Variants in DNAJC3 observed in about 807,000 individuals in gnomAD.
The protein encoded by DNAJC3 is DnaJ heat shock protein family (Hsp40) member C3.
A neutral mutation model predicts 68.6 loss-of-function variants in DNAJC3; 38 were observed. That is an observed-to-expected ratio of 0.55 (90% CI 0.43 to 0.73). DNAJC3 has a LOEUF of 0.73. Ranked by LOEUF, DNAJC3 falls within the 30% of genes least tolerant of loss-of-function variation. The pLI, the probability that DNAJC3 is intolerant of heterozygous loss-of-function variation, is 0.00. For missense variants in DNAJC3, 526 were observed against 591.9 expected (o/e 0.89, Z 1.16); for synonymous variants, 203 against 204.0 (o/e 1.00, Z 0.04).
chr13:95,702,600 TC>T (rs1880615046), intron 1 of DNAJC3, among the ~76,000 whole-genome samples: 1 of 152,168 alleles, frequency 6.6e-6, no homozygotes. Flanking sequence ...GAGCTTGTTT[TC>T]CCCTTTCACC....
intron 4 of DNAJC3, among the ~76,000 whole-genome samples, chr13:95,737,777 C>T (rs1327928529): frequency 9.5e-4 from 138 of 145,930 alleles, no homozygotes; most frequent in African/African-American, 3.5e-3. Context: ...AAACCAGCTC[C>T]TGGATTCATT....
chr13:95,785,585 A>AG (rs1302789890), intron 9 of DNAJC3, among the ~76,000 whole-genome samples: 1 of 147,700 alleles, frequency 6.8e-6, no homozygotes, highest in Non-Finnish European at 1.5e-5. Flanking sequence ...CAGCCTCCCG[A>AG]GTAGCTGGGA....
chr13:95,691,892 A>G (rs1199894385), intron 1 of DNAJC3, among the ~76,000 whole-genome samples: 1 of 152,224 alleles, frequency 6.6e-6, no homozygotes, highest in African/African-American at 2.4e-5. Flanking sequence ...GTCTCCACCA[A>G]AAAAATACGA....
rs574916542 is a variant in DNAJC3, at chr13:95,756,251, G to A, written c.394-1393G>A. Among the ~76,000 whole-genome samples, 8 of 152,232 alleles carry A rather than the reference G, an allele frequency of 5.3e-5. No homozygotes were observed. The East Asian group carries it at 1.2e-3, about 22-fold the overall frequency. On this transcript the variant is annotated intron_variant, in intron 4 of 11. Transcript: ENST00000602402. ...ATACTCTCTCCGATGGGGTTTATCCGAAGTATTCAAGACCACCCTAAGGAT... is the reference window on the plus strand; with the variant it reads ...ATACTCTCTCCGATGGGGTTTATCCAAAGTATTCAAGACCACCCTAAGGAT...
At chr13:95,715,735 C>A (rs534509222) in intron 2 of DNAJC3, among the ~76,000 whole-genome samples, 31 of 152,010 alleles carry the variant, frequency 2.0e-4, no homozygotes, top group African/African-American at 6.5e-4. Flanking sequence ...ATCCACCCCC[C>A]CTTGGCCTCC....
rs531303402 is a variant in DNAJC3, at chr13:95,715,515, C to T, written c.193+6178C>T. Among the ~76,000 whole-genome samples, 414 of 149,714 alleles carry T rather than the reference C, an allele frequency of 2.8e-3. 4 individuals carry two copies. Among genetic ancestry groups the T allele is most frequent in the African/African-American group, 9.8e-3 (397 of 40,636 alleles). The stretch of plus-strand genomic sequence containing the variant: ...TTTTTTTTTTTGAGACGGAGTCTCG[C>T]TCTGTCACCAGGCTGGAGTGTGGTG... On this transcript the variant is annotated intron_variant, in intron 2 of 11. Transcript: ENST00000602402.
At chr13:95,759,848 A>G (rs1882767535) in intron 5 of DNAJC3, among the ~76,000 whole-genome samples, 192 bp from the exon 6 acceptor site, 1 of 152,202 alleles carries the variant, frequency 6.6e-6, no homozygotes, top group Admixed American at 6.5e-5. Context: ...TTTTGGAGAA[A>G]CTATTTTGTC....
intron 4 of DNAJC3, among the ~76,000 whole-genome samples, chr13:95,729,265 TCCCTCTCCCCCTCC>T (rs1365324467): frequency 1.2e-5 from 1 of 82,604 alleles, no homozygotes; most frequent in Non-Finnish European, 2.2e-5. Flanking sequence ...CGCCTCCCTC[TCCCTCTCCCCCTCC>T]CCCTCCCTCT....
intron 4 of DNAJC3, among the ~76,000 whole-genome samples, chr13:95,752,758 C>G (rs1180039321): frequency 6.6e-6 from 1 of 152,174 alleles, no homozygotes; most frequent in African/African-American, 2.4e-5. Context: ...TGAAAGGGCA[C>G]TAAGGAATCC....
chr13:95,761,887 A>G (rs1882834052), intron 7 of DNAJC3, among the ~76,000 whole-genome samples: 1 of 152,002 alleles, frequency 6.6e-6, no homozygotes, highest in Admixed American at 6.6e-5. Flanking sequence ...CTTCAGATGC[A>G]TGCTACCACA....
intron 4 of DNAJC3, among the ~76,000 whole-genome samples, chr13:95,750,275 A>C (rs113159205): frequency 0.017 from 2,568 of 151,594 alleles, 92 homozygotes; most frequent in African/African-American, 0.059. Flanking sequence ...AAAAAAAAAA[A>C]AAAAAAAAAC....
At chr13:95,768,342 T>C (rs962451451) in intron 9 of DNAJC3, among the ~76,000 whole-genome samples, 1 of 152,174 alleles carries the variant, frequency 6.6e-6, no homozygotes, top group African/African-American at 2.4e-5. Flanking sequence ...CATTTTCAGG[T>C]TGTTTGGAAC....
chr13:95,789,557 G>A (rs990921420), intron 11 of DNAJC3, among the ~76,000 whole-genome samples: 7 of 152,150 alleles, frequency 4.6e-5, no homozygotes, highest in African/African-American at 1.7e-4. Flanking sequence ...GTCTATCATT[G>A]ATGGGCATTT....
intron 9 of DNAJC3, among the ~76,000 whole-genome samples, chr13:95,768,033 C>T (rs1005650782): frequency 3.3e-5 from 5 of 151,854 alleles, no homozygotes; most frequent in Non-Finnish European, 7.4e-5. Context: ...TCTGTTTTTT[C>T]AATAGTAGCC....
At chr13:95,773,119 T>TC (rs1203873430) in intron 9 of DNAJC3, among the ~76,000 whole-genome samples, 1 of 151,780 alleles carries the variant, frequency 6.6e-6, no homozygotes, top group East Asian at 1.9e-4. Context: ...ATTTTTTTTT[T>TC]TTTTTTTGGT....
intron 2 of DNAJC3, among the ~76,000 whole-genome samples, chr13:95,712,374 CTTTTTTTT>C (rs71113952): frequency 1.5e-5 from 2 of 135,224 alleles, no homozygotes; most frequent in African/African-American, 2.8e-5. Flanking sequence ...ATGCTTTTTT[CTTTTTTTT>C]TTTTTTTTTG....
At chr13:95,711,962 A>AT (rs1366791110) in intron 2 of DNAJC3, among the ~76,000 whole-genome samples, 9 of 152,224 alleles carry the variant, frequency 5.9e-5, no homozygotes, top group African/African-American at 1.7e-4. Context: ...GAAAAACATA[A>AT]TAGCAAATGA....
intron 9 of DNAJC3, among the ~76,000 whole-genome samples, chr13:95,769,553 C>T (rs902141380): frequency 2.6e-5 from 4 of 152,232 alleles, no homozygotes; most frequent in African/African-American, 7.2e-5. Flanking sequence ...AAACTTCCAC[C>T]TCTTGAAATA....
chr13:95,703,553 A>G (rs963535424), intron 1 of DNAJC3, among the ~76,000 whole-genome samples: 6 of 152,252 alleles, frequency 3.9e-5, no homozygotes, highest in Non-Finnish European at 8.8e-5. Context: ...CTGAACATGC[A>G]TGTGTTCTTG....
Sources: allele counts gnomAD v4.1 joint callset (sites outside exome capture counted in the v4.1 genomes callset), GRCh38; gene constraint gnomAD v4.1.1; transcripts MANE v1.5; gene names NCBI Gene and HGNC (gene_info 2026-07-23, HGNC 2026-07-21).